PCDH12: variants seen among roughly 807,000 people sequenced by gnomAD.
PCDH12 encodes protocadherin 12, also known as protocadherin-12.
In PCDH12, 45 loss-of-function variants were observed where a neutral mutation model predicts 70.9. That is an observed-to-expected ratio of 0.63 (90% CI 0.50 to 0.81). The LOEUF is 0.81. Ranked by LOEUF, PCDH12 falls within the 40% of genes least tolerant of loss-of-function variation. The pLI, the probability that PCDH12 is intolerant of heterozygous loss-of-function variation, is 0.00. For missense variants in PCDH12, 1,370 were observed against 1,491.7 expected (o/e 0.92, Z 1.34); for synonymous variants, 567 against 626.0 (o/e 0.91, Z 1.41).
In PCDH12 at chr5:141,957,999, A is replaced by G. The variant is rs1753216709; in HGVS notation, c.-148T>C. 4.4e-6 allele frequency: 4 copies of G among 912,162 alleles called. No homozygotes were observed. Among genetic ancestry groups the G allele is most frequent in the South Asian group, 1.8e-5 (1 of 56,848 alleles). 56.5% of individuals were successfully genotyped at this position (912,162 alleles called of 1,614,324 possible). On this transcript the variant is annotated 5_prime_UTR_variant, in exon 1 of 4. Coordinates refer to ENST00000231484, the MANE Select transcript of PCDH12 (RefSeq NM_016580.4). This position sits in a 1 kb window ranked among gnomAD's most constrained non-coding sequence, Gnocchi z 4.3. ...AACCTTGTCCCATAGTTAGATGATT[A>G]TGAAACAAGCAGGACCCCAAGGCAA...
rs984896513 is a variant in PCDH12 at position 141,957,365 on chromosome 5, C to G, written c.487G>C (p.Asp163His). Residue 163 changes from aspartate to histidine, a missense_variant, in exon 1 of 4, where the codon GAC becomes CAC. By Grantham distance (81) the Asp-to-His change is moderately conservative. Transcript: ENST00000231484. This position sits in a 1 kb window ranked among gnomAD's most constrained non-coding sequence, Gnocchi z 4.3. Reference sequence around the variant, plus strand: ...GTGTGCAGGGTGTTAGGGCCTGTGTCTGGGTCAAGAGCTCTGTCCAGGGGG... The same window carrying G: ...GTGTGCAGGGTGTTAGGGCCTGTGTGTGGGTCAAGAGCTCTGTCCAGGGGG... ...RIPLDRALDPDTGPNTLHTYT... is the reference protein window; with the variant it reads ...RIPLDRALDPHTGPNTLHTYT... 13 of 1,613,856 alleles carry G rather than the reference C, an allele frequency of 8.1e-6. No individual in the cohort carries two copies. Among genetic ancestry groups the G allele is most frequent in the Non-Finnish European group, 1.1e-5 (13 of 1,179,894 alleles).
In PCDH12 at chr5:141,957,648, C is replaced by A. The variant is rs779403556; in HGVS notation, c.204G>T (p.Val68=). 4.3e-6 allele frequency: 7 copies of A among 1,614,094 alleles called. No individual in the cohort carries two copies. The African/African-American group carries it at 9.3e-5, about 22-fold the overall frequency. Residue 68 remains valine, a synonymous_variant, in exon 1 of 4, where the codon GTG becomes GTT. Transcript: ENST00000231484. This position sits in a 1 kb window ranked among gnomAD's most constrained non-coding sequence, Gnocchi z 4.3. ...TGGGGAGCGCCTGAGGCAGCTGCAA[C>A]ACCTGGAAGGCAGCCCCAGCTTGCC... The part of the protein sequence containing the change: ...RRRQAGAAFQ[V]LQLPQALPIQ...
chr5:141,945,251 G>A lies in PCDH12; in HGVS notation c.*130C>T, dbSNP rs887789122. On this transcript the variant is annotated 3_prime_UTR_variant, in exon 4 of 4. Transcript: ENST00000231484. ...TCCTGGGGCTCTTGCCTCCTCTGTG[G>A]GGGTAGCATCAGTCACCCTAAAGTT... 4.5e-5 allele frequency: 50 copies of A among 1,112,146 alleles called. No individual in the cohort carries two copies. The highest frequency in any genetic ancestry group is 6.2e-5 in the Non-Finnish European group (48 of 777,438). The allele number at this position is 1,112,146 out of a possible 1,614,324, so 68.9% of individuals were successfully genotyped here.
Position 141,956,371 on chromosome 5 carries a change from T to C in PCDH12, c.1481A>G (p.Lys494Arg). 6.2e-7 allele frequency: 1 copy of C among 1,614,250 alleles called. No individual in the cohort carries two copies. The highest frequency in any genetic ancestry group is 8.5e-7 in the Non-Finnish European group (1 of 1,180,054). ...GGAGTCCTGGATGCGGTATGAGACT[T>C]TTCCATTAATGCCCAAGTCTGCATC... Reference protein sequence around the residue: ...AHDADLGINGKVSYRIQDSPV... With the variant: ...AHDADLGINGRVSYRIQDSPV... Residue 494 changes from lysine to arginine, a missense_variant, in exon 1 of 4, where the codon AAA becomes AGA. Transcript: ENST00000231484.
At position 141,945,718 on chromosome 5, in the gene PCDH12, A is replaced by G; in HGVS notation, c.3218T>C (p.Val1073Ala). Residue 1073 changes from valine to alanine, a missense_variant, in exon 4 of 4, where the codon GTG becomes GCG. Transcript: ENST00000231484. ...LPLTTNYRDNVISPDAAATEE... is the reference protein window; with the variant it reads ...LPLTTNYRDNAISPDAAATEE... ...CGTGGCTGCAGCATCCGGGGAGATC[A>G]CATTGTCACGGTAGTTGGTGGTGAG... 2 of 1,614,100 alleles carry G rather than the reference A, an allele frequency of 1.2e-6. No individual in the cohort carries two copies. The highest frequency in any genetic ancestry group is 1.7e-6 in the Non-Finnish European group (2 of 1,180,014).
chr5:141,954,717 A>G (rs1753144887), intron 1 of PCDH12, among the ~76,000 whole-genome samples: 3 of 152,220 alleles, frequency 2.0e-5, no homozygotes. Context: ...TACAAGGTAG[A>G]TACTCTTACT....
At position 141,945,308 on chromosome 5, in the gene PCDH12, AT is replaced by A; in HGVS notation, c.*72del. 6.6e-7 allele frequency: 1 copy of A among 1,517,240 alleles called. No individual in the cohort carries two copies. Among genetic ancestry groups the A allele is most frequent in the African/African-American group, 1.4e-5 (1 of 71,804 alleles). The allele number at this position is 1,517,240 out of a possible 1,614,324, so 94.0% of individuals were successfully genotyped here. A position where few individuals can be genotyped will look rare whatever the true frequency, so the allele number is the denominator to read the frequency against. On this transcript the variant is annotated 3_prime_UTR_variant, in exon 4 of 4. Coordinates refer to ENST00000231484, the MANE Select transcript of PCDH12 (RefSeq NM_016580.4). Reference sequence around the variant, plus strand: ...CCGCCGCTAGCTAGTGAGTTACAAGATTTTAGAAACCAGCTCTTGTCCACAG... The same window carrying A: ...CCGCCGCTAGCTAGTGAGTTACAAGATTTAGAAACCAGCTCTTGTCCACAG...
Position 141,957,959 on chromosome 5 carries a change from CA to C in PCDH12, c.-109del. 7.7e-7 allele frequency: 1 copy of C among 1,307,030 alleles called. No homozygotes were observed. The highest frequency in any genetic ancestry group is 1.4e-5 in the South Asian group (1 of 69,698). 81.0% of individuals were successfully genotyped at this position (1,307,030 alleles called of 1,614,324 possible). The stretch of plus-strand genomic sequence containing the variant: ...TTGATCAGCCCCGTGCTCCTTCCCC[CA>C]GAGCTGCCGGCACAACCTTGTCCCA... On this transcript the variant is annotated 5_prime_UTR_variant, in exon 1 of 4. It introduces an in-frame stop codon into an upstream open reading frame of the 5' UTR. Coordinates refer to ENST00000231484, the MANE Select transcript of PCDH12 (RefSeq NM_016580.4). The surrounding 1 kb of genome is among the most constrained non-coding windows in gnomAD (Gnocchi z 4.3).
Position 141,957,667 on chromosome 5 carries a change from G to C in PCDH12, c.185C>G (p.Ala62Gly), listed in dbSNP as rs1482615076. 1 of 1,614,194 alleles carries C rather than the reference G, an allele frequency of 6.2e-7. No homozygotes were observed. The highest frequency in any genetic ancestry group is 8.5e-7 in the Non-Finnish European group (1 of 1,180,024). ...CTGCAACACCTGGAAGGCAGCCCCA[G>C]CTTGCCTCCGCCTCTCCTCCCGGCC... ...ELGREERRRQ[A>G]GAAFQVLQLP... Residue 62 changes from alanine to glycine, a missense_variant, in exon 1 of 4, where the codon GCT (alanine) becomes GGT (glycine). By Grantham distance (60) the Ala-to-Gly change is moderately conservative. Transcript: ENST00000231484. The surrounding 1 kb of genome is among the most constrained non-coding windows in gnomAD (Gnocchi z 4.3).
chr5:141,951,314 T>C (rs1231566596), intron 2 of PCDH12, among the ~76,000 whole-genome samples, 179 bp downstream of exon 2: 1 of 152,138 alleles, frequency 6.6e-6, no homozygotes, highest in Non-Finnish European at 1.5e-5. Context: ...GTAAATACTA[T>C]CAATACAGTC....
chr5:141,949,440 G>A lies in PCDH12; in HGVS notation c.3122C>T (p.Pro1041Leu), dbSNP rs368000377. ...CTCCAGGGGGTCCCTACCTGTGCTG[G>A]GGTCCAGCAGACTTGACAGCTCTTC... ...LEEELSSLLDPSTGLALDRLS... is the reference protein window; with the variant it reads ...LEEELSSLLDLSTGLALDRLS... Residue 1041 changes from proline to leucine, a missense_variant, in exon 3 of 4, where the codon CCC becomes CTC. Transcript: ENST00000231484. 1.4e-5 allele frequency: 22 copies of A among 1,613,098 alleles called. No individual in the cohort carries two copies. The African/African-American group carries it at 2.7e-4, about 20-fold the overall frequency.
chr5:141,948,846 A>G (rs1327454092), intron 3 of PCDH12, among the ~76,000 whole-genome samples: 1 of 152,142 alleles, frequency 6.6e-6, no homozygotes, highest in African/African-American at 2.4e-5. Context: ...TGTACATAAG[A>G]TGCTTCCCCA....
At chr5:141,952,498 C>T (rs1239755722) in intron 1 of PCDH12, 1 of 152,202 alleles carries the variant, frequency 6.6e-6, no homozygotes, top group Non-Finnish European at 1.5e-5. Flanking sequence ...CAGGCAGAAG[C>T]ACTGCACACT....
Position 141,945,501 on chromosome 5 carries a change from G to C in PCDH12, c.3435C>G (p.Thr1145=). The C allele has an allele frequency of 6.2e-7, 1 of 1,613,618 alleles. No individual in the cohort carries two copies. The highest frequency in any genetic ancestry group is 1.3e-5 in the African/African-American group (1 of 75,060). ...ALRRLSVCGR[T]LSLDLATSAA... ...CACTGGTGGCCAAGTCTAAACTGAG[G>C]GTCCTCCCGCAGACCGAGAGCCGCC... The change falls in exon 4 of 4, where the codon ACC becomes ACG. Residue 1145 remains threonine (T), a synonymous_variant. Transcript: ENST00000231484.
chr5:141,951,839 C>G (rs1457118037), intron 1 of PCDH12, among the ~76,000 whole-genome samples: 5 of 152,206 alleles, frequency 3.3e-5, no homozygotes, highest in African/African-American at 1.2e-4. Context: ...CTGGGCCTGT[C>G]CCCTCATACT....
At chr5:141,947,571 T>C (rs995240629) in intron 3 of PCDH12, among the ~76,000 whole-genome samples, 2 of 152,234 alleles carry the variant, frequency 1.3e-5, no homozygotes, top group Non-Finnish European at 2.9e-5. Flanking sequence ...AGGGGCAGTG[T>C]GTGTGACCTT....
intron 1 of PCDH12, among the ~76,000 whole-genome samples, chr5:141,953,587 A>C (rs553243096): frequency 2.6e-5 from 4 of 152,362 alleles, no homozygotes; most frequent in Non-Finnish European, 5.9e-5. Context: ...AGTTGATCCC[A>C]AATGGGCACC....
Position 141,958,044 on chromosome 5 carries a change from G to C in PCDH12, c.-193C>G, listed in dbSNP as rs975812970. The C allele has an allele frequency of 3.1e-6, 2 of 636,794 alleles. No individual in the cohort carries two copies. The highest frequency in any genetic ancestry group is 2.8e-5 in the East Asian group (1 of 35,668). 39.4% of individuals were successfully genotyped at this position (636,794 alleles called of 1,614,324 possible). On this transcript the variant is annotated 5_prime_UTR_variant, in exon 1 of 4. It adds an upstream start codon to the 5' untranslated region. Coordinates refer to ENST00000231484, the MANE Select transcript of PCDH12 (RefSeq NM_016580.4). Reference sequence around the variant, plus strand: ...AGGCAAGGCCATCTTCATTGGAAGCGATCTGAGATGTCCAAACGCCGATCA... The same window carrying C: ...AGGCAAGGCCATCTTCATTGGAAGCCATCTGAGATGTCCAAACGCCGATCA...
At position 141,957,953 on chromosome 5, in the gene PCDH12, T is replaced by C. The variant is rs1753216018; in HGVS notation, c.-102A>G. The C allele has an allele frequency of 5.1e-6, 7 of 1,375,960 alleles. No homozygotes were observed. Among genetic ancestry groups the C allele is most frequent in the Non-Finnish European group, 6.9e-6 (7 of 1,018,688 alleles). The allele number at this position is 1,375,960 out of a possible 1,614,324, so 85.2% of individuals were successfully genotyped here. ...GATGGCTTGATCAGCCCCGTGCTCC[T>C]TCCCCCAGAGCTGCCGGCACAACCT... On this transcript the variant is annotated 5_prime_UTR_variant, in exon 1 of 4. Coordinates refer to ENST00000231484, the MANE Select transcript of PCDH12 (RefSeq NM_016580.4). The surrounding 1 kb of genome is among the most constrained non-coding windows in gnomAD (Gnocchi z 4.3).
Sources: gnomAD v4.1 joint callset for allele counts (sites outside exome capture counted in the v4.1 genomes callset) on GRCh38, gnomAD v4.1.1 for gene constraint, Gnocchi (gnomAD v3.1) non-coding constraint, MANE v1.5 for transcripts, NCBI Gene and HGNC (gene_info 2026-07-23, HGNC 2026-07-21) for gene names.